ZNF624: variants seen among roughly 807,000 people sequenced by gnomAD.
ZNF624 encodes zinc finger protein 624.
Under a neutral mutation model 74.7 loss-of-function variants are expected in ZNF624, and 43 were observed. That is an observed-to-expected ratio of 0.58 (90% CI 0.45 to 0.74). The LOEUF is 0.74. ZNF624 is among the 30% of genes least tolerant of loss of function. ZNF624 has a pLI of 0.00. For synonymous variants in ZNF624, 331 were observed against 341.3 expected (o/e 0.97, Z 0.33); for missense variants, 820 against 1,030.0 (o/e 0.80, Z 2.79).
chr17:16,653,193 A>C (rs969007963), intron 1 of ZNF624, among the ~76,000 whole-genome samples: 10 of 152,252 alleles, frequency 6.6e-5, no homozygotes, highest in Admixed American at 5.9e-4. Context: ...GTGACAAGTG[A>C]TTAAAAGGTG....
intron 5 of ZNF624, among the ~76,000 whole-genome samples, chr17:16,626,946 T>C (rs1909087014): frequency 6.6e-6 from 1 of 151,452 alleles, no homozygotes; most frequent in African/African-American, 2.4e-5. Flanking sequence ...TCCCAGCTAC[T>C]CGGGAGGCTG....
chr17:16,623,966 T>A lies in ZNF624; in HGVS notation c.920A>T (p.Asn307Ile), dbSNP rs1363657230. The A allele has an allele frequency of 8.7e-6, 14 of 1,613,884 alleles. No individual in the cohort carries two copies. Among genetic ancestry groups the A allele is most frequent in the Non-Finnish European group, 1.2e-5 (14 of 1,180,026 alleles). The change falls in exon 6 of 6, where the codon AAT (asparagine) becomes ATT (isoleucine). Residue 307 changes from asparagine to isoleucine, a missense_variant. Asn to Ile is a moderately radical substitution (Grantham distance 149, BLOSUM62 -3). Coordinates refer to ENST00000311331, the MANE Select transcript of ZNF624 (RefSeq NM_020787.4). The surrounding 1 kb of genome is among the most constrained non-coding windows in gnomAD (Gnocchi z 5.3). ...THTKEKPYEC[N>I]ECGKTFSQPS... ...CTGGCTGAATGTTTTCCCACATTCA[T>A]TACATTCATAAGGTTTTTCTTTAGT...
Position 16,623,950 on chromosome 17 carries a change from TG to T in ZNF624, c.935del (p.Thr312AsnfsTer180). 1 of 1,613,980 alleles carries T rather than the reference TG, an allele frequency of 6.2e-7. No individual in the cohort carries two copies. The highest frequency in any genetic ancestry group is 8.5e-7 in the Non-Finnish European group (1 of 1,180,008). ...GACTGAGATATGAAGGCTGGCTGAA[TG>T]TTTTCCCACATTCATTACATTCATA... ...KPYECNECGK[T>X]FSQPSYLSQH... On this transcript the variant is annotated frameshift_variant, in exon 6 of 6. Transcript: ENST00000311331. LOFTEE classifies it high-confidence loss of function. This position sits in a 1 kb window ranked among gnomAD's most constrained non-coding sequence, Gnocchi z 5.3.
At position 16,646,444 on chromosome 17, in the gene ZNF624, T is replaced by A. The variant is rs1045069121; in HGVS notation, c.153+885A>T. Among the ~76,000 whole-genome samples the A allele has an allele frequency of 2.0e-5, 3 of 152,220 alleles. No individual in the cohort carries two copies. In the East Asian group the frequency reaches 5.8e-4, roughly 29 times the overall value. ...AAAACCAACTTTCAAAGGATAATTT[T>A]AAAAAACTTAAAAACATAATTCTTC... On this transcript the variant is annotated intron_variant, in intron 3 of 5. Transcript: ENST00000311331.
Position 16,622,234 on chromosome 17 carries a change from G to A in ZNF624, c.*54C>T. 2 of 1,357,002 alleles carry A rather than the reference G, an allele frequency of 1.5e-6. No individual in the cohort carries two copies. Among genetic ancestry groups the A allele is most frequent in the South Asian group, 1.7e-5 (1 of 59,858 alleles). The allele number at this position is 1,357,002 out of a possible 1,614,324, so 84.1% of individuals were successfully genotyped here. On this transcript the variant is annotated 3_prime_UTR_variant, in exon 6 of 6. Coordinates refer to ENST00000311331, the MANE Select transcript of ZNF624 (RefSeq NM_020787.4). ...GATTTTCCTATATTCATAAAATATAGTTTATAAGATTCATCTTGTGGAGTT... is the reference window on the plus strand; with the variant it reads ...GATTTTCCTATATTCATAAAATATAATTTATAAGATTCATCTTGTGGAGTT...
downstream of ZNF624, among the ~76,000 whole-genome samples, chr17:16,619,403 G>A (rs1161027923): frequency 6.6e-6 from 1 of 152,126 alleles, no homozygotes; most frequent in East Asian, 1.9e-4. Context: ...TTTAGAGAGT[G>A]AAAAGGTAAG....
At chr17:16,625,489 T>A (rs1246978858) in intron 5 of ZNF624, among the ~76,000 whole-genome samples, 1 of 152,176 alleles carries the variant, frequency 6.6e-6, no homozygotes, top group Non-Finnish European at 1.5e-5. Context: ...GCCTGGCCTC[T>A]ATTTGTTCTC....
chr17:16,645,813 G>A (rs1285164449), intron 3 of ZNF624, among the ~76,000 whole-genome samples: 1 of 151,364 alleles, frequency 6.6e-6, no homozygotes, highest in Non-Finnish European at 1.5e-5. Flanking sequence ...TTAGCCGCCC[G>A]TGGTAGTAGG....
intron 3 of ZNF624, among the ~76,000 whole-genome samples, chr17:16,639,496 A>G (rs888103119): frequency 6.6e-6 from 1 of 152,110 alleles, no homozygotes; most frequent in Non-Finnish European, 1.5e-5. Flanking sequence ...GCCCCAGGAA[A>G]AAATCTGAGA....
In ZNF624 at chr17:16,623,966, T is replaced by G. The variant is rs1363657230; in HGVS notation, c.920A>C (p.Asn307Thr). The change falls in exon 6 of 6, where the codon AAT becomes ACT. Residue 307 changes from asparagine (N) to threonine (T), a missense_variant. Physicochemically the swap from Asn to Thr is moderately conservative, Grantham distance 65 (BLOSUM62 0). Transcript: ENST00000311331. The surrounding 1 kb of genome is among the most constrained non-coding windows in gnomAD (Gnocchi z 5.3). ...THTKEKPYECNECGKTFSQPS... is the reference protein window; with the variant it reads ...THTKEKPYECTECGKTFSQPS... ...CTGGCTGAATGTTTTCCCACATTCA[T>G]TACATTCATAAGGTTTTTCTTTAGT... The G allele has an allele frequency of 6.2e-7, 1 of 1,613,884 alleles. No homozygotes were observed. Among genetic ancestry groups the G allele is most frequent in the Non-Finnish European group, 8.5e-7 (1 of 1,180,026 alleles).
chr17:16,635,331 T>C (rs1909302587), intron 3 of ZNF624, among the ~76,000 whole-genome samples: 1 of 152,084 alleles, frequency 6.6e-6, no homozygotes, highest in Non-Finnish European at 1.5e-5. Context: ...TATTAAAAAA[T>C]GGAAGAACAG....
chr17:16,650,592 C>A (rs1299680742), intron 1 of ZNF624, among the ~76,000 whole-genome samples: 1 of 152,088 alleles, frequency 6.6e-6, no homozygotes, highest in Non-Finnish European at 1.5e-5. Flanking sequence ...CTACCTTTGG[C>A]TAATGATATG....
downstream of ZNF624, among the ~76,000 whole-genome samples, chr17:16,618,181 A>G (rs1324101114): frequency 6.6e-6 from 1 of 152,016 alleles, no homozygotes; most frequent in Non-Finnish European, 1.5e-5. Flanking sequence ...TCTACTAAAA[A>G]AAAAATACAA....
At chr17:16,653,604 C>T (rs984084477) in intron 1 of ZNF624, 160 bp downstream of exon 1, 14 of 152,692 alleles carry the variant, frequency 9.2e-5, no homozygotes, top group African/African-American at 1.2e-4. Flanking sequence ...AACCCACACT[C>T]GGGAAGGAGG....
chr17:16,644,777 T>C (rs747592435), intron 3 of ZNF624, among the ~76,000 whole-genome samples: 2 of 152,214 alleles, frequency 1.3e-5, no homozygotes, highest in South Asian at 2.1e-4. Flanking sequence ...CTAAAGTCAT[T>C]CTGCAGCTGT....
At chr17:16,618,496 G>GA (rs901432975), downstream of ZNF624, among the ~76,000 whole-genome samples, 104 of 148,062 alleles carry the variant, frequency 7.0e-4, no homozygotes, top group South Asian at 4.3e-3. Flanking sequence ...TGGGGTAATT[G>GA]AAAAAAAAAA....
chr17:16,617,278 C>T, downstream of ZNF624: 1 of 1,613,732 alleles, frequency 6.2e-7, no homozygotes, highest in Non-Finnish European at 8.5e-7. Context: ...TCGTGACCAT[C>T]TTCTAGATCG....
At chr17:16,649,353 T>C (rs1909665482) in intron 2 of ZNF624, among the ~76,000 whole-genome samples, 2 of 152,274 alleles carry the variant, frequency 1.3e-5, no homozygotes, top group South Asian at 4.1e-4. Context: ...CATTTTGCTG[T>C]CCCACAAATA....
chr17:16,648,587 G>A (rs751046377), intron 2 of ZNF624, among the ~76,000 whole-genome samples: 3 of 152,166 alleles, frequency 2.0e-5, no homozygotes, highest in Non-Finnish European at 2.9e-5. Context: ...CTATTTACAT[G>A]TTACATATTC....
Sources: allele counts gnomAD v4.1 joint callset (sites outside exome capture counted in the v4.1 genomes callset), GRCh38; gene constraint gnomAD v4.1.1; non-coding constraint Gnocchi (gnomAD v3.1); transcripts MANE v1.5; gene names NCBI Gene and HGNC (gene_info 2026-07-23, HGNC 2026-07-21).